RBFOX1: variants seen among roughly 807,000 people sequenced by gnomAD.
The protein encoded by RBFOX1 is RNA binding fox-1 homolog 1.
Under a neutral mutation model 57.7 loss-of-function variants are expected in RBFOX1, and 8 were observed. The observed-to-expected ratio is 0.14, with a 90% CI of 0.08 to 0.25. RBFOX1 has a LOEUF of 0.25. RBFOX1 is among the 10% of genes least tolerant of loss of function. RBFOX1 has a pLI of 1.00. For missense variants in RBFOX1, 611 were observed against 548.5 expected (o/e 1.11, Z -1.14); for synonymous variants, 326 against 222.4 (o/e 1.47, Z -4.15).
chr16:6,239,009 T>A (rs1015969105), intron 1 of RBFOX1, among the ~76,000 whole-genome samples: 6 of 151,104 alleles, frequency 4.0e-5, no homozygotes, highest in African/African-American at 1.2e-4. Context: ...TTTCTTACTA[T>A]TTTTTTTTGT....
chr16:6,562,832 T>TTTTCTTTCTTTCTTTCTTTCTTTCTTTC (rs370685598), intron 2 of RBFOX1, among the ~76,000 whole-genome samples: 12 of 75,984 alleles, frequency 1.6e-4, no homozygotes, highest in Non-Finnish European at 2.5e-4. Flanking sequence ...TTCTTGATTC[T>TTTTCTTTCTTTCTTTCTTTCTTTCTTTC]TTTCTTTCTT....
chr16:5,778,776 C>G (rs1320519268), intron 3 of RBFOX1, among the ~76,000 whole-genome samples: 2 of 152,102 alleles, frequency 1.3e-5, no homozygotes, highest in East Asian at 1.9e-4. Context: ...GCTCTAACTC[C>G]CACCCCTCAG....
At chr16:6,470,774 C>A (rs918923508) in intron 2 of RBFOX1, among the ~76,000 whole-genome samples, 1 of 152,168 alleles carries the variant, frequency 6.6e-6, no homozygotes, top group East Asian at 1.9e-4. Flanking sequence ...TTTTTGGCTT[C>A]TTTTACACTT....
intron 1 of RBFOX1, among the ~76,000 whole-genome samples, chr16:5,244,506 G>A (rs780210662): frequency 1.4e-4 from 21 of 152,244 alleles, no homozygotes; most frequent in Non-Finnish European, 2.5e-4. Context: ...CCCTGAGATA[G>A]GGTGTTTGGA....
At chr16:7,254,414 C>G (rs755450103) in intron 4 of RBFOX1, among the ~76,000 whole-genome samples, 8 of 152,142 alleles carry the variant, frequency 5.3e-5, no homozygotes, top group Non-Finnish European at 7.3e-5. Flanking sequence ...GCTGGAATCT[C>G]CATTGCCAAG....
At chr16:5,796,559 C>G (rs60541364) in intron 3 of RBFOX1, among the ~76,000 whole-genome samples, 2 of 114,816 alleles carry the variant, frequency 1.7e-5, no homozygotes, top group East Asian at 5.2e-4. Context: ...GATGGTGTCT[C>G]CACACCCTGA....
At chr16:7,472,149 T>A (rs2061675334) in intron 4 of RBFOX1, among the ~76,000 whole-genome samples, 1 of 152,256 alleles carries the variant, frequency 6.6e-6, no homozygotes. Flanking sequence ...TTCTTCTTTT[T>A]ATCCATAGTT....
chr16:6,752,989 G>T (rs1477086143), intron 3 of RBFOX1, among the ~76,000 whole-genome samples: 1 of 151,980 alleles, frequency 6.6e-6, no homozygotes, highest in South Asian at 2.1e-4. Flanking sequence ...ATACAAATGT[G>T]CAAATTTCAA....
At chr16:7,202,802 G>GC (rs1433496388) in intron 4 of RBFOX1, among the ~76,000 whole-genome samples, 2 of 152,238 alleles carry the variant, frequency 1.3e-5, no homozygotes, top group East Asian at 3.9e-4. Context: ...CCCTGCAACA[G>GC]CCCCCCACCC....
At chr16:5,388,625 A>T (rs2066318520) in intron 1 of RBFOX1, among the ~76,000 whole-genome samples, 1 of 151,990 alleles carries the variant, frequency 6.6e-6, no homozygotes, top group African/African-American at 2.4e-5. Flanking sequence ...CACCCAGGCT[A>T]GAGTGGCGTG....
At chr16:5,388,690 T>C (rs1479420265) in intron 1 of RBFOX1, among the ~76,000 whole-genome samples, 1 of 151,888 alleles carries the variant, frequency 6.6e-6, no homozygotes, top group Non-Finnish European at 1.5e-5. Flanking sequence ...GATTTTCCTG[T>C]CAGCCTTCTG....
chr16:6,137,597 C>T (rs1009286240), intron 1 of RBFOX1, among the ~76,000 whole-genome samples: 9 of 145,704 alleles, frequency 6.2e-5, no homozygotes, highest in East Asian at 2.0e-4. Flanking sequence ...TGAGGCACTG[C>T]GCCTGGTCAT....
At chr16:6,490,971 G>C (rs984617494) in intron 2 of RBFOX1, among the ~76,000 whole-genome samples, 8 of 152,174 alleles carry the variant, frequency 5.3e-5, no homozygotes, top group Admixed American at 4.6e-4. Flanking sequence ...TCAGGAAATG[G>C]TTTAAAATGA....
At chr16:6,345,356 C>T (rs1245304416) in intron 2 of RBFOX1, among the ~76,000 whole-genome samples, 1 of 152,184 alleles carries the variant, frequency 6.6e-6, no homozygotes, top group Non-Finnish European at 1.5e-5. Context: ...TATTTATGCC[C>T]ACTTTTAATT....
intron 1 of RBFOX1, among the ~76,000 whole-genome samples, chr16:6,053,495 C>A (rs2095578301): frequency 6.6e-6 from 1 of 152,074 alleles, no homozygotes; most frequent in Admixed American, 6.6e-5. Context: ...CAAAGAAAAT[C>A]ATTTAGTTGA....
chr16:5,447,133 T>C (rs1259151441), intron 1 of RBFOX1, among the ~76,000 whole-genome samples: 1 of 152,044 alleles, frequency 6.6e-6, no homozygotes, highest in African/African-American at 2.4e-5. Context: ...CTGCGTCCAG[T>C]AGTTTCTCTT....
upstream of RBFOX1, among the ~76,000 whole-genome samples, chr16:6,015,878 T>C (rs1166120215): frequency 2.6e-5 from 4 of 152,248 alleles, no homozygotes; most frequent in Non-Finnish European, 5.9e-5. Context: ...GCTATTGGAC[T>C]GTACGCTTCT....
chr16:5,758,554 A>G (rs184826791), intron 3 of RBFOX1, among the ~76,000 whole-genome samples: 9 of 152,264 alleles, frequency 5.9e-5, no homozygotes, highest in African/African-American at 2.2e-4. Context: ...TTGTTTTCAC[A>G]TTGTTTTACA....
chr16:7,493,258 C>T (rs1221390416), intron 4 of RBFOX1, among the ~76,000 whole-genome samples: 1 of 152,198 alleles, frequency 6.6e-6, no homozygotes, highest in African/African-American at 2.4e-5. Context: ...GACTGTCTAC[C>T]TTTCAGGCGC....
Sources: allele counts gnomAD v4.1 joint callset (sites outside exome capture counted in the v4.1 genomes callset), GRCh38; gene constraint gnomAD v4.1.1; transcripts MANE v1.5; gene names NCBI Gene and HGNC (gene_info 2026-07-23, HGNC 2026-07-21).